The following NVL variants were observed in gnomAD, a reference collection of about 807,000 sequenced individuals.
NVL encodes the protein nuclear valosin-containing protein-like.
A neutral mutation model predicts 110.2 loss-of-function variants in NVL; 84 were observed. The ratio of observed to expected loss-of-function variants is 0.76; its 90% CI spans 0.64 to 0.91. NVL has a LOEUF of 0.91. NVL is among the 40% of genes least tolerant of loss of function. The pLI, the probability that NVL is intolerant of heterozygous loss-of-function variation, is 0.00. For missense variants in NVL, 882 were observed against 1,035.9 expected (o/e 0.85, Z 2.04); for synonymous variants, 354 against 361.1 (o/e 0.98, Z 0.22).
intron 19 of NVL, among the ~76,000 whole-genome samples, chr1:224,240,783 C>CTTTT (rs59138570): frequency 5.0e-4 from 41 of 82,686 alleles, no homozygotes; most frequent in African/African-American, 8.3e-4. Context: ...ACAAACTGTC[C>CTTTT]TTTTTTTTTT....
chr1:224,232,847 C>T (rs902395480), intron 21 of NVL: 1 of 172,834 alleles, frequency 5.8e-6, no homozygotes, highest in African/African-American at 2.4e-5. Flanking sequence ...TGTGTATTTT[C>T]TAAGCTCTCC....
Position 224,274,622 on chromosome 1 carries a change from G to A in NVL, c.2082+717C>T, listed in dbSNP as rs189083482. 3.5e-3 allele frequency among the ~76,000 whole-genome samples: 540 copies of A among 152,144 alleles called. 4 individuals are homozygous for A. The highest frequency in any genetic ancestry group is 0.012 in the African/African-American group (507 of 41,508). ...TTGCACTCCAGCCTGGGAGACAAGA[G>A]CAAAACTCCGTCTCGAAAAAAATAA... On this transcript the variant is annotated intron_variant, in intron 17 of 22. Coordinates refer to ENST00000281701, the MANE Select transcript of NVL (RefSeq NM_002533.4).
chr1:224,287,893 G>T lies in NVL; in HGVS notation c.1676C>A (p.Ala559Asp). The T allele has an allele frequency of 6.2e-7, 1 of 1,614,072 alleles. No individual in the cohort carries two copies. Among genetic ancestry groups the T allele is most frequent in the Non-Finnish European group, 8.5e-7 (1 of 1,179,962 alleles). The change falls in exon 14 of 23, where the codon GCT (alanine) becomes GAT (aspartate). Residue 559 changes from alanine to aspartate, a missense_variant. Physicochemically the swap from Ala to Asp is moderately radical, Grantham distance 126 (BLOSUM62 -2). Coordinates refer to ENST00000281701, the MANE Select transcript of NVL (RefSeq NM_002533.4). The part of the protein sequence containing the change: ...LCIELNDFIV[A>D]LSSVQPSAKR... Reference sequence around the variant, plus strand: ...GGCAGAGGGTTGGACTGAGGATAGAGCAACAATGAAATCATTCAGTTCAAT... The same window carrying T: ...GGCAGAGGGTTGGACTGAGGATAGATCAACAATGAAATCATTCAGTTCAAT...
intron 17 of NVL, among the ~76,000 whole-genome samples, chr1:224,269,271 A>G (rs984471716): frequency 6.6e-6 from 1 of 151,466 alleles, no homozygotes; most frequent in African/African-American, 2.4e-5. Context: ...TATTTTTTCT[A>G]GAGATCCTGT....
intron 2 of NVL, among the ~76,000 whole-genome samples, chr1:224,320,014 A>G (rs1349091069): frequency 6.6e-6 from 1 of 152,162 alleles, no homozygotes; most frequent in Admixed American, 6.5e-5. Flanking sequence ...AAAAATGTAA[A>G]GATCATGAAA....
chr1:224,313,062 G>A (rs1317785790), intron 4 of NVL: 9 of 390,950 alleles, frequency 2.3e-5, no homozygotes, highest in East Asian at 8.1e-5. Flanking sequence ...GTGAGGCTGC[G>A]GTGGGAGGAT....
In NVL at chr1:224,289,613, T is replaced by A. The variant is rs771073055; in HGVS notation, c.1446A>T (p.Ala482=). The A allele has an allele frequency of 1.2e-5, 19 of 1,614,156 alleles. No individual in the cohort carries two copies. In the African/African-American group the frequency reaches 1.9e-4, roughly 16 times the overall value. ...TTAAGACTCTATTGACTGCACACATTGCTGCCTCTCGGCACAGTGCCATGA... is the reference window on the plus strand; with the variant it reads ...TTAAGACTCTATTGACTGCACACATAGCTGCCTCTCGGCACAGTGCCATGA... ...ADLMALCREA[A]MCAVNRVLMK... is the part of the protein sequence containing the mutation. The change falls in exon 13 of 23, where the codon GCA becomes GCT. Residue 482 remains alanine (A), a synonymous_variant. Transcript: ENST00000281701.
chr1:224,277,462 T>C (rs971384456), intron 16 of NVL, among the ~76,000 whole-genome samples: 1 of 152,180 alleles, frequency 6.6e-6, no homozygotes, highest in Non-Finnish European at 1.5e-5. Flanking sequence ...GAACAATCAA[T>C]ACCGTTGGCA....
intron 18 of NVL, among the ~76,000 whole-genome samples, chr1:224,259,277 G>C (rs766257260): frequency 1.3e-5 from 2 of 152,070 alleles, no homozygotes; most frequent in Non-Finnish European, 1.5e-5. Context: ...TTTTGGTAGA[G>C]ACGAGGCTTC....
chr1:224,304,403 G>A (rs954874579), intron 8 of NVL, among the ~76,000 whole-genome samples: 2 of 151,654 alleles, frequency 1.3e-5, no homozygotes, highest in Non-Finnish European at 2.9e-5. Flanking sequence ...CCAGCCTGGT[G>A]ACAGAGCTAC....
At chr1:224,265,051 T>C (rs1664363535) in intron 18 of NVL, among the ~76,000 whole-genome samples, 1 of 150,296 alleles carries the variant, frequency 6.7e-6, no homozygotes, top group Non-Finnish European at 1.5e-5. Flanking sequence ...GGCCAGAACA[T>C]TTATTTTTAA....
rs549153882 is a variant in NVL, at chr1:224,286,787, C to T, written c.1795-657G>A. ...TTGCATAGTTAAAAGCCAGAGATATCTGTTGACTATAATCCCAGTGTATTT... is the reference window on the plus strand; with the variant it reads ...TTGCATAGTTAAAAGCCAGAGATATTTGTTGACTATAATCCCAGTGTATTT... On this transcript the variant is annotated intron_variant, in intron 14 of 22. Transcript: ENST00000281701. 1.9e-3 allele frequency among the ~76,000 whole-genome samples: 290 copies of T among 152,294 alleles called. 2 individuals are homozygous for T. Among genetic ancestry groups the T allele is most frequent in the African/African-American group, 6.6e-3 (275 of 41,572 alleles).
intron 10 of NVL, among the ~76,000 whole-genome samples, chr1:224,296,853 T>G (rs1240806842): frequency 6.6e-6 from 1 of 152,334 alleles, no homozygotes; most frequent in African/African-American, 2.4e-5. Flanking sequence ...ATTTATAGTC[T>G]CTTCATCAAT....
chr1:224,287,687 C>T (rs991951357), intron 14 of NVL, 88 bp downstream of exon 14: 1 of 1,058,662 alleles, frequency 9.4e-7, no homozygotes, highest in Non-Finnish European at 1.4e-6. Context: ...GTCAGTTTAG[C>T]CACAGAACCT....
chr1:224,289,081 G>A lies in NVL; in HGVS notation c.1575+403C>T, dbSNP rs536564512. ...TGTAAAGGTTTAGACTGTAAACACC[G>A]TAGGCTTTGTGGGCCACGGTCTCTG... On this transcript the variant is annotated intron_variant, in intron 13 of 22. Transcript: ENST00000281701. 8 of 172,668 alleles carry A rather than the reference G, an allele frequency of 4.6e-5. No individual in the cohort carries two copies. In the East Asian group the frequency reaches 1.2e-3, roughly 26 times the overall value. The allele number at this position is 172,668 out of a possible 1,614,324, so 10.7% of individuals were successfully genotyped here.
At position 224,281,284 on chromosome 1, in the gene NVL, CGTGT is replaced by C. The variant is rs34156240; in HGVS notation, c.1900-103_1900-100del. 3.9e-3 allele frequency: 2,176 copies of C among 552,852 alleles called. 29 individuals are homozygous for C. The highest frequency in any genetic ancestry group is 0.035 in the African/African-American group (1,832 of 51,808). The allele number at this position is 552,852 out of a possible 1,614,324, so 34.2% of individuals were successfully genotyped here. ...TGTGACAATGAAAGGACTCTGTGTGCGTGTGTGTGTGTGTGTGTGTGTGTGTGTG... is the reference window on the plus strand; with the variant it reads ...TGTGACAATGAAAGGACTCTGTGTGCGTGTGTGTGTGTGTGTGTGTGTGTG... On this transcript the variant is annotated intron_variant, in intron 15 of 22. Transcript: ENST00000281701.
In NVL at chr1:224,274,035, A is replaced by AACACACACACACACACAC. The variant is rs1224878158; in HGVS notation, c.2082+1286_2082+1303dup. The stretch of plus-strand genomic sequence containing the variant: ...ATGTAATAATGTTTTATGACCTAAC[A>AACACACACACACACACAC]ACACACACACACACACACACACACC... On this transcript the variant is annotated intron_variant, in intron 17 of 22. Transcript: ENST00000281701. 9.3e-3 allele frequency among the ~76,000 whole-genome samples: 1,354 copies of AACACACACACACACACAC among 145,618 alleles called. 6 individuals carry two copies. Among genetic ancestry groups the AACACACACACACACACAC allele is most frequent in the South Asian group, 0.02 (89 of 4,462 alleles).
chr1:224,273,012 C>T (rs1665307939), intron 17 of NVL, among the ~76,000 whole-genome samples: 2 of 127,692 alleles, frequency 1.6e-5, no homozygotes, highest in African/African-American at 3.0e-5. Context: ...CCAGCCTGGG[C>T]GACAGAGCGA....
intron 4 of NVL, among the ~76,000 whole-genome samples, chr1:224,316,667 A>AAC (rs1670101232): frequency 1.3e-5 from 2 of 149,090 alleles, no homozygotes; most frequent in South Asian, 4.3e-4. Context: ...TGTCTCAAAA[A>AAC]AAAAAAAAAA....
Sources: gnomAD v4.1 joint callset for allele counts (sites outside exome capture counted in the v4.1 genomes callset) on GRCh38, gnomAD v4.1.1 for gene constraint, MANE v1.5 for transcripts, NCBI Gene and HGNC (gene_info 2026-07-23, HGNC 2026-07-21) for gene names.